RGS17: variants seen among roughly 807,000 people sequenced by gnomAD.
RGS17 encodes the protein regulator of G-protein signaling 17.
Under a neutral mutation model 25.5 loss-of-function variants are expected in RGS17, and 12 were observed. That is an observed-to-expected ratio of 0.47 (90% CI 0.30 to 0.76). The LOEUF is 0.76. Among genes scored for constraint, RGS17 ranks in the 30% least tolerant of loss-of-function variants. RGS17 has a pLI of 0.07. For missense variants in RGS17, 196 were observed against 242.2 expected (o/e 0.81, Z 1.27); for synonymous variants, 71 against 76.9 (o/e 0.92, Z 0.40).
At chr6:153,100,728 C>A (rs1777289738) in intron 1 of RGS17, among the ~76,000 whole-genome samples, 1 of 152,046 alleles carries the variant, frequency 6.6e-6, no homozygotes, top group African/African-American at 2.4e-5. Flanking sequence ...CTAAAGCAGC[C>A]CCTTAAATAT....
chr6:153,077,145 T>C (rs1776894666), intron 1 of RGS17, among the ~76,000 whole-genome samples: 1 of 152,114 alleles, frequency 6.6e-6, no homozygotes, highest in African/African-American at 2.4e-5. Context: ...TATCACCAAA[T>C]TTCTAGACCT....
At chr6:153,114,978 G>C (rs2129125968) in intron 1 of RGS17, among the ~76,000 whole-genome samples, 1 of 152,234 alleles carries the variant, frequency 6.6e-6, no homozygotes, top group South Asian at 2.1e-4. Context: ...ATATCATACT[G>C]AATGGGCAAA....
At chr6:153,067,806 C>A in intron 1 of RGS17, among the ~76,000 whole-genome samples, 1 of 152,074 alleles carries the variant, frequency 6.6e-6, no homozygotes. Context: ...ATAGTAAAAG[C>A]TATCTTAAAA....
Position 153,100,378 on chromosome 6 carries a change from T to C in RGS17, c.-26+30746A>G, listed in dbSNP as rs542760462. Among the ~76,000 whole-genome samples, 19 of 152,298 alleles carry C rather than the reference T, an allele frequency of 1.2e-4. No individual in the cohort carries two copies. In the South Asian group the frequency reaches 1.4e-3, roughly 12 times the overall value. On this transcript the variant is annotated intron_variant, in intron 1 of 4. Transcript: ENST00000206262. ...GTTTATATCCTGACATAATTCTCCGTATCAACCTTTGACTAGAATCAAATG... is the reference window on the plus strand; with the variant it reads ...GTTTATATCCTGACATAATTCTCCGCATCAACCTTTGACTAGAATCAAATG...
intron 1 of RGS17, among the ~76,000 whole-genome samples, chr6:153,122,277 A>T (rs1246333077): frequency 1.3e-5 from 2 of 152,138 alleles, no homozygotes; most frequent in Admixed American, 1.3e-4. Flanking sequence ...GCATACATTG[A>T]CACATAAAAT....
rs1779102644 is a variant in RGS17, at chr6:153,008,713, A to G, written c.*2861T>C. ...ATTGAAAACACAAAGTGTCCATTTT[A>G]AAGTGCTAATTTTTCCCCAGGGAGG... On this transcript the variant is annotated 3_prime_UTR_variant, in exon 5 of 5. Coordinates refer to ENST00000206262, the MANE Select transcript of RGS17 (RefSeq NM_012419.5). 6.6e-6 allele frequency: 1 copy of G among 152,232 alleles called. No individual in the cohort carries two copies. The highest frequency in any genetic ancestry group is 1.5e-5 in the Non-Finnish European group (1 of 68,018). The allele number at this position is 152,232 out of a possible 1,614,324, so 9.4% of individuals were successfully genotyped here.
Position 153,004,979 on chromosome 6 carries a change from T to A in RGS17, c.*6595A>T, listed in dbSNP as rs926861409. On this transcript the variant is annotated 3_prime_UTR_variant, in exon 5 of 5. Coordinates refer to ENST00000206262, the MANE Select transcript of RGS17 (RefSeq NM_012419.5). Reference sequence around the variant, plus strand: ...AATTATACACATTCGATATGTAATTTTACAAAACCAAACACATTGAATTCT... The same window carrying A: ...AATTATACACATTCGATATGTAATTATACAAAACCAAACACATTGAATTCT... 3.3e-5 allele frequency: 5 copies of A among 152,286 alleles called. No individual in the cohort carries two copies. Among genetic ancestry groups the A allele is most frequent in the African/African-American group, 1.2e-4 (5 of 41,574 alleles). The allele number at this position is 152,286 out of a possible 1,614,324, so 9.4% of individuals were successfully genotyped here.
At chr6:153,042,147 G>T (rs967285285) in intron 2 of RGS17, among the ~76,000 whole-genome samples, 2 of 152,156 alleles carry the variant, frequency 1.3e-5, no homozygotes, top group African/African-American at 4.8e-5. Flanking sequence ...AATCTCTTTA[G>T]GCATGACACA....
At chr6:153,027,408 G>A (rs930753591) in intron 2 of RGS17, among the ~76,000 whole-genome samples, 5 of 152,044 alleles carry the variant, frequency 3.3e-5, no homozygotes, top group Non-Finnish European at 7.4e-5. Context: ...TAAGAAGCAG[G>A]GTAGGGAGAA....
rs770212853 is a variant in RGS17 at position 153,044,021 on chromosome 6, C to G, written c.-3G>C. Reference sequence around the variant, plus strand: ...TGGGACTGCTGCCTTTTTCGCATTTCAGCTACTTCAGGACCCAGTTGGCTG... The same window carrying G: ...TGGGACTGCTGCCTTTTTCGCATTTGAGCTACTTCAGGACCCAGTTGGCTG... On this transcript the variant is annotated 5_prime_UTR_variant, in exon 2 of 5. Transcript: ENST00000206262. The G allele has an allele frequency of 6.3e-7, 1 of 1,587,604 alleles. No homozygotes were observed.
intron 1 of RGS17, among the ~76,000 whole-genome samples, chr6:153,113,615 A>G (rs1038879127): frequency 6.6e-6 from 1 of 152,224 alleles, no homozygotes; most frequent in African/African-American, 2.4e-5. Context: ...ACCCCAAATC[A>G]ACAGAATATA....
At chr6:153,069,929 G>C (rs1776763830) in intron 1 of RGS17, among the ~76,000 whole-genome samples, 1 of 151,998 alleles carries the variant, frequency 6.6e-6, no homozygotes, top group Non-Finnish European at 1.5e-5. Flanking sequence ...TCAGCAAACT[G>C]GTCCTGTTAC....
At chr6:153,129,783 G>C (rs1482912205) in intron 1 of RGS17, among the ~76,000 whole-genome samples, 1 of 152,168 alleles carries the variant, frequency 6.6e-6, no homozygotes, top group East Asian at 1.9e-4. Context: ...AAATCTTATA[G>C]TGAATCTTTT....
At chr6:153,119,766 A>G (rs953628754) in intron 1 of RGS17, among the ~76,000 whole-genome samples, 5 of 152,216 alleles carry the variant, frequency 3.3e-5, no homozygotes, top group Non-Finnish European at 7.3e-5. Context: ...TTCTAATGCT[A>G]TTCCTAAGGT....
chr6:153,050,215 G>A (rs1161054165), intron 1 of RGS17, among the ~76,000 whole-genome samples: 3 of 152,108 alleles, frequency 2.0e-5, no homozygotes. Context: ...CTTCAGAGCA[G>A]AAAAGGATTT....
chr6:153,049,724 C>T lies in RGS17; in HGVS notation c.-25-5681G>A, dbSNP rs1330930455. On this transcript the variant is annotated intron_variant, in intron 1 of 4. Transcript: ENST00000206262. ...CGAGATCGCACCACTGCACTCCAGC[C>T]TGGGCAACAGAGTGAGACTCCTTCT... Among the ~76,000 whole-genome samples the T allele has an allele frequency of 2.6e-5, 4 of 151,544 alleles. No individual in the cohort carries two copies. In the South Asian group the frequency reaches 6.3e-4, roughly 24 times the overall value.
intron 1 of RGS17, among the ~76,000 whole-genome samples, chr6:153,119,001 T>C (rs1452424217): frequency 6.6e-6 from 1 of 152,204 alleles, no homozygotes; most frequent in Non-Finnish European, 1.5e-5. Context: ...TATATGAATA[T>C]ATGCATGTAT....
rs1779094285 is a variant in RGS17 at position 153,007,970 on chromosome 6, T to C, written c.*3604A>G. 1 of 152,192 alleles carries C rather than the reference T, an allele frequency of 6.6e-6. No homozygotes were observed. Among genetic ancestry groups the C allele is most frequent in the Admixed American group, 6.5e-5 (1 of 15,276 alleles). 9.4% of individuals were successfully genotyped at this position (152,192 alleles called of 1,614,324 possible). ...TTTTAAATTCCTTCTCTTTTACATTTCAACACCAAAGCATCTAATAATTGG... is the reference window on the plus strand; with the variant it reads ...TTTTAAATTCCTTCTCTTTTACATTCCAACACCAAAGCATCTAATAATTGG... On this transcript the variant is annotated 3_prime_UTR_variant, in exon 5 of 5. Coordinates refer to ENST00000206262, the MANE Select transcript of RGS17 (RefSeq NM_012419.5).
At chr6:153,035,153 C>CAAAA (rs55877870) in intron 2 of RGS17, among the ~76,000 whole-genome samples, 3 of 146,790 alleles carry the variant, frequency 2.0e-5, no homozygotes, top group Admixed American at 6.8e-5. Context: ...GACTCTCTCA[C>CAAAA]AAAAAAAAAA....
Sources: gnomAD v4.1 joint callset for allele counts (sites outside exome capture counted in the v4.1 genomes callset) on GRCh38, gnomAD v4.1.1 for gene constraint, MANE v1.5 for transcripts, NCBI Gene and HGNC (gene_info 2026-07-23, HGNC 2026-07-21) for gene names.